ATRN: variants seen among roughly 807,000 people sequenced by gnomAD.
ATRN encodes attractin.
Under a neutral mutation model 178.7 loss-of-function variants are expected in ATRN, and 54 were observed. The ratio of observed to expected loss-of-function variants is 0.30; its 90% CI spans 0.24 to 0.38. The LOEUF (loss-of-function observed/expected upper bound fraction) is 0.38. Ranked by LOEUF, ATRN falls within the 10% of genes least tolerant of loss-of-function variation. The pLI is 1.00. For missense variants in ATRN, 1,443 were observed against 1,815.1 expected, an observed-to-expected ratio of 0.79 and a Z score of 3.73; for synonymous variants, 636 against 663.0, an observed-to-expected ratio of 0.96 and a Z score of 0.63.
intron 1 of ATRN, among the ~76,000 whole-genome samples, chr20:3,530,175 AAAT>A (rs1472112795): frequency 6.7e-6 from 1 of 149,758 alleles, no homozygotes; most frequent in Non-Finnish European, 1.5e-5. Context: ...CATAAAGCAA[AAAT>A]AATCTGAGTA....
In ATRN at chr20:3,647,941, T is replaced by C. The variant is rs919434347; in HGVS notation, c.*1094T>C. 1.3e-5 allele frequency: 2 copies of C among 151,796 alleles called. No individual in the cohort carries two copies. The highest frequency in any genetic ancestry group is 3.9e-4 in the East Asian group (2 of 5,158). The allele number at this position is 151,796 out of a possible 1,614,324, so 9.4% of individuals were successfully genotyped here. ...GTGTCACCCTAGGCCTGATAAGCGA[T>C]CAGAGGAAAGGACTCATTCATGTCA... On this transcript the variant is annotated 3_prime_UTR_variant, in exon 29 of 29. Transcript: ENST00000262919.
intron 1 of ATRN, among the ~76,000 whole-genome samples, chr20:3,478,735 A>T (rs899374692): frequency 6.6e-6 from 1 of 152,146 alleles, no homozygotes; most frequent in African/African-American, 2.4e-5. Context: ...TACCTCTAAA[A>T]TGATCCTCAG....
rs2087039616 is a variant in ATRN, at chr20:3,638,157, A to C, written c.3943-671A>C. 6.6e-6 allele frequency among the ~76,000 whole-genome samples: 1 copy of C among 152,184 alleles called. No homozygotes were observed. The highest frequency in any genetic ancestry group is 2.4e-5 in the African/African-American group (1 of 41,444). ...TTACTTTAAGTTCTGGGATACATGT[A>C]CAGAACATGTAGATTTGTTACATAG... On this transcript the variant is annotated intron_variant, in intron 26 of 28. Transcript: ENST00000262919. The surrounding 1 kb of genome is among the most constrained non-coding windows in gnomAD (Gnocchi z 4.5).
intron 6 of ATRN, among the ~76,000 whole-genome samples, chr20:3,550,574 T>C (rs1362879051): frequency 6.6e-6 from 1 of 152,206 alleles, no homozygotes; most frequent in African/African-American, 2.4e-5. Flanking sequence ...TCCCCATACA[T>C]AGATTCAAAC....
chr20:3,488,645 C>T (rs1450667246), intron 1 of ATRN, among the ~76,000 whole-genome samples: 1 of 152,158 alleles, frequency 6.6e-6, no homozygotes, highest in Non-Finnish European at 1.5e-5. Flanking sequence ...TATGTTAAGT[C>T]ACCTTACCTT....
intron 1 of ATRN, among the ~76,000 whole-genome samples, chr20:3,476,388 A>G (rs6051887): frequency 0.051 from 7,756 of 152,220 alleles, 598 homozygotes; most frequent in African/African-American, 0.17. Context: ...TTCTGAGTCC[A>G]GTCACTCTTT....
chr20:3,576,731 A>ATCTATCTATCTATCTATCTG, intron 13 of ATRN, 128 bp from the exon 14 acceptor site: 2 of 733,796 alleles, frequency 2.7e-6, no homozygotes, highest in South Asian at 1.8e-5. Flanking sequence ...CTATCTATCT[A>ATCTATCTATCTATCTATCTG]TCTGTCTATC....
intron 27 of ATRN, among the ~76,000 whole-genome samples, chr20:3,643,850 C>T (rs1446459981): frequency 2.0e-5 from 3 of 152,308 alleles, no homozygotes; most frequent in Middle Eastern, 3.4e-3. Flanking sequence ...AATTTCAAAT[C>T]GAGCCAAAGT....
chr20:3,560,585 T>G, intron 7 of ATRN, 77 bp from the exon 8 acceptor site: 30 of 1,240,230 alleles, frequency 2.4e-5, no homozygotes, highest in Non-Finnish European at 2.8e-5. Context: ...AGAATAATAT[T>G]GAGCTTTTGT....
At chr20:3,619,164 C>T (rs1267092350) in intron 24 of ATRN, among the ~76,000 whole-genome samples, 1 of 152,228 alleles carries the variant, frequency 6.6e-6, no homozygotes, top group African/African-American at 2.4e-5. Context: ...AAGACTTCAC[C>T]TCACAGGGTG....
chr20:3,566,892 G>A (rs577211011), intron 11 of ATRN, among the ~76,000 whole-genome samples: 7 of 119,166 alleles, frequency 5.9e-5, no homozygotes, highest in South Asian at 3.0e-4. Context: ...GGGCGACAGC[G>A]AGACTCCATC....
intron 1 of ATRN, among the ~76,000 whole-genome samples, chr20:3,501,115 T>C (rs1370975118): frequency 2.6e-5 from 4 of 152,102 alleles, no homozygotes; most frequent in African/African-American, 9.7e-5. Context: ...CTGGTATTAT[T>C]GGTATTGTTC....
intron 2 of ATRN, among the ~76,000 whole-genome samples, chr20:3,539,269 G>A (rs1418083155): frequency 2.0e-5 from 3 of 152,196 alleles, no homozygotes; most frequent in Non-Finnish European, 4.4e-5. Context: ...GGGTGAGTGA[G>A]ATAGAGTCAC....
rs947231523 is a variant in ATRN at position 3,547,493 on chromosome 20, G to A, written c.943+4G>A. 3 of 1,601,966 alleles carry A rather than the reference G, an allele frequency of 1.9e-6. No individual in the cohort carries two copies. The highest frequency in any genetic ancestry group is 2.6e-6 in the Non-Finnish European group (3 of 1,173,936). The stretch of plus-strand genomic sequence containing the variant: ...TCCTGCTTCTCAGACTGGCAGGGTA[G>A]GAGCTTCTTTCATTTTTATTTTTTC... On this transcript the variant is annotated splice_donor_region_variant and intron_variant, in intron 5 of 28. Coordinates refer to ENST00000262919, the MANE Select transcript of ATRN (RefSeq NM_139321.3).
chr20:3,584,534 G>A (rs2086328837), intron 17 of ATRN, 113 bp from the exon 18 acceptor site: 1 of 765,420 alleles, frequency 1.3e-6, no homozygotes, highest in East Asian at 2.7e-5. Context: ...AAATAATCAA[G>A]ACAGAATAAT....
At chr20:3,607,315 T>C (rs1213093659) in intron 24 of ATRN, among the ~76,000 whole-genome samples, 1 of 152,220 alleles carries the variant, frequency 6.6e-6, no homozygotes, top group Admixed American at 6.5e-5. Flanking sequence ...TCATAATGAC[T>C]ATTGTGCCAT....
Position 3,584,037 on chromosome 20 carries a change from C to G in ATRN, c.2904C>G (p.Phe968Leu). 6.2e-7 allele frequency: 1 copy of G among 1,614,118 alleles called. No homozygotes were observed. Among genetic ancestry groups the G allele is most frequent in the Non-Finnish European group, 8.5e-7 (1 of 1,180,006 alleles). The change falls in exon 17 of 29, where the codon TTC (phenylalanine) becomes TTG (leucine). Residue 968 changes from phenylalanine (F) to leucine (L), a missense_variant. This residue lies in a region of ATRN where 212 missense variants were observed against 330.7 expected (regional missense o/e 0.64). Transcript: ENST00000262919. ...CVDSNAYVAS[F>L]PFGQCMEWYT... ...ACTCCAATGCCTACGTGGCCTCCTT[C>G]CCTTTTGGCCAGTGTATGGAATGGT...
intron 6 of ATRN, among the ~76,000 whole-genome samples, chr20:3,549,682 A>G (rs972660261): frequency 3.9e-5 from 6 of 152,206 alleles, no homozygotes; most frequent in Non-Finnish European, 4.4e-5. Flanking sequence ...ATAGTTTGCT[A>G]GTGGAAATTA....
At chr20:3,539,609 G>T (rs546136237) in intron 2 of ATRN, among the ~76,000 whole-genome samples, 33 of 152,256 alleles carry the variant, frequency 2.2e-4, no homozygotes, top group African/African-American at 7.9e-4. Flanking sequence ...GAGGGAGAGA[G>T]AATTGGTAGG....
Sources: gnomAD v4.1 joint callset for allele counts (sites outside exome capture counted in the v4.1 genomes callset) on GRCh38, gnomAD v4.1.1 for gene constraint, gnomAD v4.1.1 regional missense constraint, Gnocchi (gnomAD v3.1) non-coding constraint, MANE v1.5 for transcripts, NCBI Gene and HGNC (gene_info 2026-07-23, HGNC 2026-07-21) for gene names.